The following IQGAP2 variants were observed in gnomAD, a reference collection of about 807,000 sequenced individuals.
IQGAP2 encodes the protein ras GTPase-activating-like protein IQGAP2.
In IQGAP2, 173 loss-of-function variants were observed where a neutral mutation model predicts 201.3. The ratio of observed to expected loss-of-function variants is 0.86; its 90% confidence interval spans 0.76 to 0.98. IQGAP2 has a LOEUF of 0.98. IQGAP2 is among the 50% of genes least tolerant of loss of function. The pLI is 0.00. For synonymous variants in IQGAP2, 675 were observed against 673.9 expected (o/e 1.00, Z -0.03); for missense variants, 1,687 against 1,864.8 (o/e 0.90, Z 1.76).
chr5:76,584,491 C>T (rs952409560), intron 5 of IQGAP2, among the ~76,000 whole-genome samples: 4 of 152,090 alleles, frequency 2.6e-5, no homozygotes, highest in East Asian at 1.9e-4. Flanking sequence ...TAGGAGCTGT[C>T]GTGAGGTTTG....
chr5:76,482,072 G>A (rs1291101848), intron 2 of IQGAP2, among the ~76,000 whole-genome samples: 1 of 152,154 alleles, frequency 6.6e-6, no homozygotes, highest in Non-Finnish European at 1.5e-5. Context: ...GGAGAAACAG[G>A]AAAAATTTAC....
intron 12 of IQGAP2, among the ~76,000 whole-genome samples, chr5:76,610,481 T>C (rs191128107): frequency 1.0e-3 from 153 of 151,164 alleles, no homozygotes; most frequent in Admixed American, 2.4e-3. Flanking sequence ...GGCACAAGAA[T>C]CACTTGAACA....
rs377130667 is a variant in IQGAP2, at chr5:76,668,789, C to T, written c.2788C>T (p.Arg930Ter). The change falls in exon 23 of 36, where the codon CGA (arginine) becomes TGA (stop). Residue 930 changes from arginine to a stop codon, truncating the protein, a stop_gained. Coordinates refer to ENST00000274364, the MANE Select transcript of IQGAP2 (RefSeq NM_006633.5). LOFTEE classifies it high-confidence loss of function. Reference protein sequence around the residue: ...FTLYNYASNQREEYLLLKLFK... With the variant: ...FTLYNYASNQ ...ACTATATAATTATGCCTCTAATCAG[C>T]GAGAAGAATATCTACTTCTCAAGCT... 13 of 1,607,306 alleles carry T rather than the reference C, an allele frequency of 8.1e-6. No homozygotes were observed. The highest frequency in any genetic ancestry group is 6.7e-5 in the East Asian group (3 of 44,656).
At chr5:76,450,032 C>T (rs1299779701) in intron 1 of IQGAP2, among the ~76,000 whole-genome samples, 1 of 152,136 alleles carries the variant, frequency 6.6e-6, no homozygotes, top group Non-Finnish European at 1.5e-5. Context: ...TAAGAACATC[C>T]TTTTCTAAAC....
At chr5:76,518,105 G>A (rs986724913) in intron 2 of IQGAP2, among the ~76,000 whole-genome samples, 2 of 152,016 alleles carry the variant, frequency 1.3e-5, no homozygotes, top group Non-Finnish European at 2.9e-5. Flanking sequence ...CACCAGGCAC[G>A]CACCACCATG....
chr5:76,592,661 T>A (rs1026586689), intron 8 of IQGAP2, among the ~76,000 whole-genome samples, 177 bp from the exon 9 acceptor site: 1 of 152,196 alleles, frequency 6.6e-6, no homozygotes, highest in African/African-American at 2.4e-5. Context: ...ATCTTTGTAG[T>A]CTTTGCCAGC....
chr5:76,418,236 T>C (rs1373554533), intron 1 of IQGAP2, among the ~76,000 whole-genome samples: 3 of 151,672 alleles, frequency 2.0e-5, no homozygotes, highest in African/African-American at 4.8e-5. Context: ...AGATTTTCCT[T>C]TCTCCTTCAA....
chr5:76,436,497 ATATATATATATATATATATATTTTTTTTT>A (rs1277986194), intron 1 of IQGAP2, among the ~76,000 whole-genome samples: 4 of 17,366 alleles, frequency 2.3e-4, no homozygotes, highest in South Asian at 2.5e-3. Flanking sequence ...ATATATATAT[ATATATATATATATATATATATTTTTTTTT>A]TTTTTTTTTT....
chr5:76,682,466 TA>T (rs113958575), intron 28 of IQGAP2, among the ~76,000 whole-genome samples: 2,931 of 137,880 alleles, frequency 0.021, 50 homozygotes, highest in African/African-American at 0.055. Context: ...TTGTTTAAAT[TA>T]AAAAAAAAAA....
At chr5:76,678,342 G>GTT (rs1301225045) in intron 28 of IQGAP2, among the ~76,000 whole-genome samples, 9 of 151,858 alleles carry the variant, frequency 5.9e-5, no homozygotes, top group Non-Finnish European at 1.3e-4. Context: ...CATGTATTAA[G>GTT]TATCTGTTGG....
intron 5 of IQGAP2, among the ~76,000 whole-genome samples, chr5:76,583,261 A>G (rs1746001209): frequency 6.6e-6 from 1 of 152,150 alleles, no homozygotes; most frequent in African/African-American, 2.4e-5. Context: ...TTGGGAAGGA[A>G]GTTTGCTATT....
At chr5:76,655,199 C>T (rs1177819469) in intron 20 of IQGAP2, among the ~76,000 whole-genome samples, 196 bp downstream of exon 20, 1 of 152,054 alleles carries the variant, frequency 6.6e-6, no homozygotes, top group Non-Finnish European at 1.5e-5. Context: ...ATGGGCCTTC[C>T]TATTAAATGG....
intron 31 of IQGAP2, chr5:76,693,928 G>C (rs1173831321): frequency 6.6e-6 from 1 of 152,340 alleles, no homozygotes; most frequent in African/African-American, 2.4e-5. Context: ...CAACAATCTT[G>C]CATTTAGCTT....
rs1747810556 is a variant in IQGAP2 at position 76,606,422 on chromosome 5, G to A, written c.1357+119G>A. On this transcript the variant is annotated intron_variant, in intron 12 of 35. Coordinates refer to ENST00000274364, the MANE Select transcript of IQGAP2 (RefSeq NM_006633.5). ...AAGGAACTTTGTGAGAGCAAACTCCGCTAATATGCATACCTTTATTTATAG... is the reference window on the plus strand; with the variant it reads ...AAGGAACTTTGTGAGAGCAAACTCCACTAATATGCATACCTTTATTTATAG... 11 of 673,376 alleles carry A rather than the reference G, an allele frequency of 1.6e-5. No individual in the cohort carries two copies. The Middle Eastern group carries it at 1.0e-3, about 63-fold the overall frequency. The allele number at this position is 673,376 out of a possible 1,614,324, so 41.7% of individuals were successfully genotyped here.
chr5:76,683,956 A>G (rs1249357080), intron 30 of IQGAP2, 39 bp downstream of exon 30: 20 of 1,554,614 alleles, frequency 1.3e-5, no homozygotes, highest in Non-Finnish European at 1.7e-5. Flanking sequence ...CTCCAAATAC[A>G]CATCTTAAAT....
chr5:76,554,030 G>A (rs1743740912), intron 2 of IQGAP2, among the ~76,000 whole-genome samples: 1 of 152,138 alleles, frequency 6.6e-6, no homozygotes, highest in African/African-American at 2.4e-5. Flanking sequence ...GATTGGACTA[G>A]AATTTAGAGT....
At chr5:76,417,748 T>G (rs926479785) in intron 1 of IQGAP2, among the ~76,000 whole-genome samples, 4 of 151,554 alleles carry the variant, frequency 2.6e-5, no homozygotes, top group Non-Finnish European at 4.4e-5. Flanking sequence ...GCCCAGCTAA[T>G]TTTTGTATTT....
intron 5 of IQGAP2, among the ~76,000 whole-genome samples, chr5:76,577,562 T>G (rs989301078): frequency 6.6e-6 from 1 of 152,338 alleles, no homozygotes; most frequent in South Asian, 2.1e-4. Flanking sequence ...TCGCTTTTCT[T>G]TGTTCTAAAT....
At chr5:76,661,289 A>G (rs1743228038) in intron 21 of IQGAP2, among the ~76,000 whole-genome samples, 1 of 152,186 alleles carries the variant, frequency 6.6e-6, no homozygotes, top group African/African-American at 2.4e-5. Flanking sequence ...AGTGGCTAAC[A>G]TTGGTTTTAG....
Sources: gnomAD v4.1 joint callset for allele counts (sites outside exome capture counted in the v4.1 genomes callset) on GRCh38, gnomAD v4.1.1 for gene constraint, MANE v1.5 for transcripts, NCBI Gene and HGNC (gene_info 2026-07-23, HGNC 2026-07-21) for gene names.